The following FBP2 variants were observed in gnomAD, a reference collection of about 807,000 sequenced individuals.
The protein encoded by FBP2 is fructose-1,6-bisphosphatase isozyme 2.
Under a neutral mutation model 31.6 loss-of-function variants are expected in FBP2, and 27 were observed. The observed-to-expected ratio is 0.85, with a 90% CI of 0.63 to 1.18. FBP2 has a LOEUF of 1.18. FBP2 is among the 50% of genes most tolerant of loss of function. The pLI, the probability that FBP2 is intolerant of heterozygous loss-of-function variation, is 0.00. For synonymous variants in FBP2, 168 were observed against 179.8 expected (o/e 0.93, Z 0.53); for missense variants, 421 against 436.1 (o/e 0.97, Z 0.31).
At chr9:94,565,372 A>G (rs1027192713) in intron 5 of FBP2, among the ~76,000 whole-genome samples, 8 of 133,042 alleles carry the variant, frequency 6.0e-5, no homozygotes, top group Non-Finnish European at 9.3e-5. Flanking sequence ...CCACCTCAAA[A>G]AAAAAAAAAA....
chr9:94,591,310 A>G (rs370928251), intron 1 of FBP2, among the ~76,000 whole-genome samples: 45 of 152,254 alleles, frequency 3.0e-4, no homozygotes, highest in Middle Eastern at 3.4e-3. Context: ...CCTAAGGCCC[A>G]GCGAGAAATC....
Position 94,570,370 on chromosome 9 carries a change from C to T in FBP2, c.567+1092G>A, listed in dbSNP as rs1336101213. On this transcript the variant is annotated intron_variant, in intron 4 of 6. Transcript: ENST00000375337. ...GACACCAGTCACTAGCTTGACCTTG[C>T]GCAAGTTACTCACTCTCTCTACGCC... 7 of 152,196 alleles carry T rather than the reference C, an allele frequency of 4.6e-5. No individual in the cohort carries two copies. In the East Asian group the frequency reaches 5.8e-4, roughly 13 times the overall value. The allele number at this position is 152,196 out of a possible 1,614,324, so 9.4% of individuals were successfully genotyped here. A position where few individuals can be genotyped will look rare whatever the true frequency, so the allele number is the denominator to read the frequency against.
At chr9:94,576,901 TG>T (rs1827321485) in intron 3 of FBP2, among the ~76,000 whole-genome samples, 1 of 151,982 alleles carries the variant, frequency 6.6e-6, no homozygotes, top group South Asian at 2.1e-4. Context: ...GGGCTGGGGT[TG>T]GGGGGGCATT....
intron 6 of FBP2, among the ~76,000 whole-genome samples, chr9:94,559,463 C>T (rs1827061317): frequency 6.6e-6 from 1 of 152,040 alleles, no homozygotes; most frequent in Non-Finnish European, 1.5e-5. Context: ...CAACAAGAAG[C>T]AAACTGATGC....
chr9:94,591,190 G>A (rs187398336), intron 1 of FBP2, among the ~76,000 whole-genome samples: 26 of 152,334 alleles, frequency 1.7e-4, no homozygotes, highest in South Asian at 1.0e-3. Flanking sequence ...GCTGTGGAGC[G>A]GGGGGTGGCG....
Position 94,582,520 on chromosome 9 carries a change from A to G in FBP2, c.426+2057T>C, listed in dbSNP as rs1827382337. On this transcript the variant is annotated intron_variant, in intron 3 of 6. Coordinates refer to ENST00000375337, the MANE Select transcript of FBP2 (RefSeq NM_003837.4). ...ATGTCTCAGCCGAGTAGCTGGGACC[A>G]CAGTCACATGCCACCACTCTTGGCT... is the stretch of plus-strand genomic sequence containing the variant. Among the ~76,000 whole-genome samples the G allele has an allele frequency of 2.0e-5, 3 of 150,232 alleles. No individual in the cohort carries two copies. The South Asian group carries it at 6.3e-4, about 31-fold the overall frequency.
chr9:94,560,029 G>A (rs1827073763), intron 6 of FBP2, among the ~76,000 whole-genome samples: 1 of 152,206 alleles, frequency 6.6e-6, no homozygotes, highest in Non-Finnish European at 1.5e-5. Context: ...GGAAGCTGAA[G>A]TGGGAGGATC....
At chr9:94,579,568 T>G (rs1389940765) in intron 3 of FBP2, among the ~76,000 whole-genome samples, 1 of 152,186 alleles carries the variant, frequency 6.6e-6, no homozygotes, top group African/African-American at 2.4e-5. Flanking sequence ...ATTTTGCATG[T>G]GATTAAGTTA....
chr9:94,590,776 G>T (rs1182869171), intron 1 of FBP2, among the ~76,000 whole-genome samples: 2 of 152,158 alleles, frequency 1.3e-5, no homozygotes, highest in Non-Finnish European at 2.9e-5. Flanking sequence ...CTCTTATCTG[G>T]CCCACCCACA....
chr9:94,560,973 T>C (rs1046097217), intron 6 of FBP2, among the ~76,000 whole-genome samples: 4 of 151,962 alleles, frequency 2.6e-5, no homozygotes, highest in South Asian at 2.1e-4. Flanking sequence ...TGTAAAAAAG[T>C]TGTGGTGCAT....
chr9:94,577,889 T>C (rs1193343866), intron 3 of FBP2: 1 of 152,234 alleles, frequency 6.6e-6, no homozygotes, highest in Non-Finnish European at 1.5e-5. Context: ...TTTAGATATG[T>C]TTATGTAATG....
In FBP2 at chr9:94,593,680, C is replaced by T. The variant is rs759667090; in HGVS notation, c.47G>A (p.Arg16His). ...PFETDMLTLTRYVMEKGRQAK... is the reference protein window; with the variant it reads ...PFETDMLTLTHYVMEKGRQAK... ...CTGACGCCCCTTTTCCATAACGTAGCGGGTCAGGGTGAGCATGTCGGTTTC... is the reference window on the plus strand; with the variant it reads ...CTGACGCCCCTTTTCCATAACGTAGTGGGTCAGGGTGAGCATGTCGGTTTC... The change falls in exon 1 of 7, where the codon CGC becomes CAC. Residue 16 changes from arginine to histidine, a missense_variant. By Grantham distance (29) the Arg-to-His change is conservative (BLOSUM62 0). Coordinates refer to ENST00000375337, the MANE Select transcript of FBP2 (RefSeq NM_003837.4). The T allele has an allele frequency of 4.3e-6, 7 of 1,614,208 alleles. No homozygotes were observed. The South Asian group carries it at 4.4e-5, about 10-fold the overall frequency.
At position 94,587,316 on chromosome 9, in the gene FBP2, C is replaced by T. The variant is rs767788106; in HGVS notation, c.324G>A (p.Lys108=). The change falls in exon 2 of 7, where the codon AAG becomes AAA. Residue 108 remains lysine, a synonymous_variant. Coordinates refer to ENST00000375337, the MANE Select transcript of FBP2 (RefSeq NM_003837.4). ...EENKDAIITA[K]EKRGKYVVCF... is the part of the protein sequence containing the mutation. ...CAGCCCCATGACGCACCCGCTTCTC[C>T]TTGGCGGTGATGATGGCGTCCTTAT... The T allele has an allele frequency of 6.2e-7, 1 of 1,611,532 alleles. No homozygotes were observed. Among genetic ancestry groups the T allele is most frequent in the East Asian group, 2.2e-5 (1 of 44,814 alleles).
chr9:94,578,748 T>A (rs1827342462), intron 3 of FBP2, among the ~76,000 whole-genome samples: 1 of 152,098 alleles, frequency 6.6e-6, no homozygotes, highest in Non-Finnish European at 1.5e-5. Flanking sequence ...TGAATTGTAT[T>A]CGTATTGTAA....
rs1827047462 is a variant in FBP2, at chr9:94,558,807, T to G, written c.*131A>C. ...CAAACCTGTCGTAAGCAGTTTGTTG[T>G]TGCTCTTCTGTATGTGATTAAGTGG... is the stretch of plus-strand genomic sequence containing the variant. On this transcript the variant is annotated 3_prime_UTR_variant, in exon 7 of 7. Transcript: ENST00000375337. 3.0e-5 allele frequency: 25 copies of G among 821,732 alleles called. No individual in the cohort carries two copies. In the South Asian group the frequency reaches 3.9e-4, roughly 13 times the overall value. 50.9% of individuals were successfully genotyped at this position (821,732 alleles called of 1,614,324 possible).
Position 94,584,558 on chromosome 9 carries a change from T to C in FBP2, c.426+19A>G, listed in dbSNP as rs1045987094. On this transcript the variant is annotated intron_variant, in intron 3 of 6. Transcript: ENST00000375337. ...ACCACCACAGGAAGGAGGTGTAAAATGTCAGCCTGTCTACTCACCTTTCTA... is the reference window on the plus strand; with the variant it reads ...ACCACCACAGGAAGGAGGTGTAAAACGTCAGCCTGTCTACTCACCTTTCTA... 2 of 1,512,680 alleles carry C rather than the reference T, an allele frequency of 1.3e-6. No individual in the cohort carries two copies. Among genetic ancestry groups the C allele is most frequent in the Non-Finnish European group, 1.8e-6 (2 of 1,087,448 alleles). 93.7% of individuals were successfully genotyped at this position (1,512,680 alleles called of 1,614,324 possible).
At chr9:94,587,267 T>C in intron 2 of FBP2, 40 bp downstream of exon 2, 1 of 1,558,544 alleles carries the variant, frequency 6.4e-7, no homozygotes, top group Non-Finnish European at 8.7e-7. Flanking sequence ...CTCAGTATCA[T>C]CATCTACTGG....
At chr9:94,591,963 C>T (rs573030140) in intron 1 of FBP2, among the ~76,000 whole-genome samples, 4 of 152,248 alleles carry the variant, frequency 2.6e-5, no homozygotes, top group East Asian at 3.9e-4. Context: ...TAAGCAAGAC[C>T]CCTACCATGG....
chr9:94,565,778 A>AGATAGAT (rs1564180687), intron 5 of FBP2, among the ~76,000 whole-genome samples: 1 of 66,218 alleles, frequency 1.5e-5, no homozygotes, highest in Non-Finnish European at 3.3e-5. Flanking sequence ...GATGATAGAT[A>AGATAGAT]GATAGATAGA....
Sources: allele counts gnomAD v4.1 joint callset (sites outside exome capture counted in the v4.1 genomes callset), GRCh38; gene constraint gnomAD v4.1.1; transcripts MANE v1.5; gene names NCBI Gene and HGNC (gene_info 2026-07-23, HGNC 2026-07-21).